FAHD2B: variants seen among roughly 807,000 people sequenced by gnomAD.
FAHD2B encodes fumarylacetoacetate hydrolase domain containing 2B.
FAHD2B carries 26 observed loss-of-function variants against 33.7 expected under a neutral mutation model. The observed-to-expected ratio is 0.77, with a 90% CI of 0.57 to 1.07. The LOEUF is 1.07. Ranked by LOEUF, FAHD2B falls within the 50% of genes least tolerant of loss-of-function variation. FAHD2B has a pLI of 0.00. For synonymous variants in FAHD2B, 108 were observed against 150.9 expected, an observed-to-expected ratio of 0.72 and a Z score of 2.08; for missense variants, 272 against 388.1, an observed-to-expected ratio of 0.70 and a Z score of 2.51.
chr2:97,091,243 T>A (rs1417654466), intron 3 of FAHD2B, among the ~76,000 whole-genome samples: 1 of 106,118 alleles, frequency 9.4e-6, no homozygotes, highest in African/African-American at 3.4e-5. Flanking sequence ...GCCTTGAAAT[T>A]GTTAATCACC....
At chr2:97,093,870 G>A (rs1407421697) in intron 1 of FAHD2B, among the ~76,000 whole-genome samples, 1 of 152,122 alleles carries the variant, frequency 6.6e-6, no homozygotes, top group African/African-American at 2.4e-5. Context: ...TTTGCCCAAG[G>A]TTACACAGTC....
downstream of FAHD2B, chr2:97,081,299 G>A: frequency 2.0e-6 from 3 of 1,490,906 alleles, no homozygotes; most frequent in Non-Finnish European, 2.7e-6. Context: ...CCCTCTTGGT[G>A]GTAGGAATGG....
Position 97,091,768 on chromosome 2 carries a change from A to T in FAHD2B, c.-6-56T>A, listed in dbSNP as rs529037413. 1.4e-4 allele frequency: 225 copies of T among 1,565,158 alleles called. 2 individuals carry two copies. The Middle Eastern group carries it at 4.1e-3, about 29-fold the overall frequency. ...GGAGGATCTCAGAGCCATCATCAGC[A>T]TCCCTGATATTCCTAGGGCTATAGC... On this transcript the variant is annotated intron_variant, in intron 2 of 8. Transcript: ENST00000414820.
At chr2:97,081,995 G>A (rs192383364), downstream of FAHD2B, 357 of 1,497,276 alleles carry the variant, frequency 2.4e-4, 4 homozygotes, top group East Asian at 2.7e-3. Flanking sequence ...CTCCGGGTCC[G>A]GCCAGCCTGT....
downstream of FAHD2B, among the ~76,000 whole-genome samples, chr2:97,079,498 T>G (rs2031576576): frequency 6.6e-6 from 1 of 152,100 alleles, no homozygotes; most frequent in Admixed American, 6.6e-5. Context: ...CACTGTGGTT[T>G]TTAATTTGCA....
At chr2:97,090,505 C>T (rs1029363643) in intron 3 of FAHD2B, among the ~76,000 whole-genome samples, 180 bp from the exon 4 acceptor site, 2 of 152,096 alleles carry the variant, frequency 1.3e-5, no homozygotes, top group African/African-American at 4.8e-5. Flanking sequence ...CAGAGCAGGG[C>T]TTTTATTTAT....
At chr2:97,079,566 T>C (rs931918840), downstream of FAHD2B, among the ~76,000 whole-genome samples, 2 of 152,182 alleles carry the variant, frequency 1.3e-5, no homozygotes, top group Non-Finnish European at 2.9e-5. Context: ...GCTGCATGTA[T>C]GTCTTCTTTT....
chr2:97,092,867 G>A (rs1160548004), intron 1 of FAHD2B, among the ~76,000 whole-genome samples: 2 of 150,752 alleles, frequency 1.3e-5, no homozygotes, highest in Non-Finnish European at 2.9e-5. Flanking sequence ...CAGCTACTAG[G>A]GAAGCTGAGA....
intron 4 of FAHD2B, among the ~76,000 whole-genome samples, chr2:97,088,270 A>T (rs2032118331): frequency 6.6e-6 from 1 of 152,050 alleles, no homozygotes; most frequent in South Asian, 2.1e-4. Context: ...TTGGCTCTTG[A>T]TATGGTTTAG....
downstream of FAHD2B, chr2:97,083,492 T>C (rs2031740227): frequency 7.8e-6 from 7 of 901,246 alleles, no homozygotes; most frequent in East Asian, 1.1e-4. Context: ...CGTATGTGTG[T>C]GTATTTGCTC....
At chr2:97,087,638 G>A (rs1183746536) in intron 4 of FAHD2B, among the ~76,000 whole-genome samples, 2 of 152,032 alleles carry the variant, frequency 1.3e-5, no homozygotes, top group Non-Finnish European at 2.9e-5. Context: ...GGCAGTGGTT[G>A]CAGTGAGCTA....
chr2:97,082,475 A>G, downstream of FAHD2B: 2 of 1,613,024 alleles, frequency 1.2e-6, no homozygotes, highest in Non-Finnish European at 8.5e-7. Flanking sequence ...GTGAGTCTCA[A>G]CCAGTCAGCC....
chr2:97,085,549 T>G, intron 6 of FAHD2B, 150 bp downstream of exon 6: 1 of 1,305,262 alleles, frequency 7.7e-7, no homozygotes, highest in Non-Finnish European at 1.0e-6. Context: ...AACTGGTGGC[T>G]GAGGATAAAA....
At chr2:97,082,789 C>A (rs1024381647), downstream of FAHD2B, 6 of 1,375,464 alleles carry the variant, frequency 4.4e-6, no homozygotes, top group African/African-American at 8.5e-5. Context: ...CATCTTCTGT[C>A]CCCCTGCTCC....
chr2:97,080,248 C>G (rs2031594825), downstream of FAHD2B, among the ~76,000 whole-genome samples: 1 of 152,044 alleles, frequency 6.6e-6, no homozygotes, highest in South Asian at 2.1e-4. Flanking sequence ...GTCTTTAATT[C>G]ATCTTCAGCT....
At chr2:97,090,632 G>A (rs2032281806) in intron 3 of FAHD2B, among the ~76,000 whole-genome samples, 2 of 152,078 alleles carry the variant, frequency 1.3e-5, no homozygotes, top group African/African-American at 4.8e-5. Flanking sequence ...CTGGCTCTTC[G>A]CAGCTACTCT....
chr2:97,082,708 G>A (rs576992595), downstream of FAHD2B: 200 of 1,590,068 alleles, frequency 1.3e-4, 4 homozygotes, highest in South Asian at 2.0e-3. Context: ...TCCAGAGTGT[G>A]CGGACCCAAA....
downstream of FAHD2B, chr2:97,081,477 G>C (rs560841779): frequency 3.1e-5 from 49 of 1,584,644 alleles, 6 homozygotes; most frequent in African/African-American, 6.9e-4. Flanking sequence ...GGAGGTGCTG[G>C]ACAGGCTCAT....
At position 97,088,724 on chromosome 2, in the gene FAHD2B, C is replaced by G. The variant is rs546813624; in HGVS notation, c.462+1385G>C. On this transcript the variant is annotated intron_variant, in intron 4 of 8. Transcript: ENST00000414820. ...TACAGTGTGTGCCCTTGGTTGATCA[C>G]AGAGCAACAAAGTAACCAAATTAAA... is the stretch of plus-strand genomic sequence containing the variant. 4.4e-4 allele frequency among the ~76,000 whole-genome samples: 67 copies of G among 152,048 alleles called. No homozygotes were observed. In the East Asian group the frequency reaches 0.013, roughly 29 times the overall value.
Sources: allele counts gnomAD v4.1 joint callset (sites outside exome capture counted in the v4.1 genomes callset), GRCh38; gene constraint gnomAD v4.1.1; transcripts MANE v1.5; gene names NCBI Gene and HGNC (gene_info 2026-07-23, HGNC 2026-07-21).